Variants in DAAM2 observed in about 807,000 individuals in gnomAD.
DAAM2 encodes dishevelled associated activator of morphogenesis 2.
A neutral mutation model predicts 120.7 loss-of-function variants in DAAM2; 39 were observed. That is an observed-to-expected ratio of 0.32 (90% CI 0.25 to 0.42). The LOEUF (loss-of-function observed/expected upper bound fraction) is 0.42, where lower values mean the gene tolerates loss of function less well. DAAM2 is among the 10% of genes least tolerant of loss of function. DAAM2 has a pLI of 1.00. For synonymous variants in DAAM2, 488 were observed against 524.9 expected (o/e 0.93, Z 0.96); for missense variants, 1,283 against 1,401.7 (o/e 0.92, Z 1.35).
At chr6:39,824,162 C>T (rs1322580830) in intron 1 of DAAM2, among the ~76,000 whole-genome samples, 1 of 152,202 alleles carries the variant, frequency 6.6e-6, no homozygotes, top group Non-Finnish European at 1.5e-5. Flanking sequence ...TCCTCAAGCG[C>T]AGGAGTCAAT....
At chr6:39,857,823 T>A (rs920318500) in intron 2 of DAAM2, among the ~76,000 whole-genome samples, 3 of 152,080 alleles carry the variant, frequency 2.0e-5, no homozygotes, top group South Asian at 4.2e-4. Flanking sequence ...TGCTGGGCTG[T>A]ATGAGGGTCC....
At chr6:39,800,207 C>T (rs979753443) in intron 1 of DAAM2, among the ~76,000 whole-genome samples, 3 of 152,178 alleles carry the variant, frequency 2.0e-5, no homozygotes, top group Admixed American at 2.0e-4. Flanking sequence ...CATCATCCAT[C>T]ACCCAGGCAA....
chr6:39,904,282 CTATT>C lies in DAAM2; in HGVS notation c.*2251_*2254del, dbSNP rs1766660656. 1 of 456,618 alleles carries C rather than the reference CTATT, an allele frequency of 2.2e-6. No homozygotes were observed. The highest frequency in any genetic ancestry group is 2.0e-5 in the African/African-American group (1 of 50,086). The allele number at this position is 456,618 out of a possible 1,614,324, so 28.3% of individuals were successfully genotyped here. On this transcript the variant is annotated 3_prime_UTR_variant, in exon 25 of 25. Transcript: ENST00000274867. Reference sequence around the variant, plus strand: ...CTCACTCTAAAAGAAAGATATTTTTCTATTTATTTTCTACATCTGGCCAGTGGCT... The same window carrying C: ...CTCACTCTAAAAGAAAGATATTTTTCTATTTTCTACATCTGGCCAGTGGCT...
intron 18 of DAAM2, 73 bp from the exon 19 acceptor site, chr6:39,891,561 A>G: frequency 6.5e-7 from 1 of 1,526,856 alleles, no homozygotes; most frequent in Non-Finnish European, 8.9e-7. Flanking sequence ...AGGAGACTGG[A>G]GCTGGCTCCG....
chr6:39,892,224 T>C (rs1289084906), intron 19 of DAAM2, among the ~76,000 whole-genome samples: 2 of 152,224 alleles, frequency 1.3e-5, no homozygotes, highest in Non-Finnish European at 2.9e-5. Context: ...CATTTCCAGA[T>C]GAGAAATTTG....
chr6:39,897,590 T>A (rs1766186212), intron 21 of DAAM2, among the ~76,000 whole-genome samples: 1 of 152,164 alleles, frequency 6.6e-6, no homozygotes. Flanking sequence ...ACTCCCAGTA[T>A]GGGAGACTTA....
chr6:39,843,935 CAGTGGGA>C (rs1357477829), intron 1 of DAAM2, among the ~76,000 whole-genome samples: 1 of 152,058 alleles, frequency 6.6e-6, no homozygotes, highest in Non-Finnish European at 1.5e-5. Context: ...GTTCTGCTTG[CAGTGGGA>C]AGGCTGTATC....
At chr6:39,895,178 C>A (rs1307952845) in intron 19 of DAAM2, among the ~76,000 whole-genome samples, 1 of 152,028 alleles carries the variant, frequency 6.6e-6, no homozygotes, top group East Asian at 1.9e-4. Flanking sequence ...ACATGTTCAA[C>A]TTAAAAGCTA....
At chr6:39,803,353 CA>C (rs1761922643) in intron 1 of DAAM2, among the ~76,000 whole-genome samples, 1 of 152,212 alleles carries the variant, frequency 6.6e-6, no homozygotes, top group African/African-American at 2.4e-5. Context: ...CAGTGATATA[CA>C]GGGATTCCTG....
In DAAM2 at chr6:39,878,121, A is replaced by G; in HGVS notation, c.1302-82A>G. ...ATTGGAGACCAGGGTCCCCACCTGG[A>G]GGGTAGAAAGATGATGTCTCCTGGG... On this transcript the variant is annotated intron_variant, in intron 11 of 24. Transcript: ENST00000274867. This position sits in a 1 kb window ranked among gnomAD's most constrained non-coding sequence, Gnocchi z 5.0. The G allele has an allele frequency of 2.0e-6, 3 of 1,479,612 alleles. No individual in the cohort carries two copies. The highest frequency in any genetic ancestry group is 2.8e-6 in the Non-Finnish European group (3 of 1,072,384). 91.7% of individuals were successfully genotyped at this position (1,479,612 alleles called of 1,614,324 possible).
chr6:39,830,242 A>T (rs1008219718), intron 1 of DAAM2, among the ~76,000 whole-genome samples: 1 of 152,176 alleles, frequency 6.6e-6, no homozygotes. Context: ...GCCTGTGTCT[A>T]TCTATTTTCA....
intron 1 of DAAM2, among the ~76,000 whole-genome samples, chr6:39,795,879 G>A (rs936580783): frequency 2.0e-5 from 3 of 152,042 alleles, no homozygotes; most frequent in Non-Finnish European, 4.4e-5. Context: ...TAGGGAGGGA[G>A]AAGGACAGAA....
rs574911426 is a variant in DAAM2 at position 39,873,986 on chromosome 6, G to A, written c.1162+631G>A. On this transcript the variant is annotated intron_variant, in intron 10 of 24. Transcript: ENST00000274867. The stretch of plus-strand genomic sequence containing the variant: ...CTTGGTACTTAAGCTCTTCACAAAA[G>A]AGAATATTTTGAAAACCAGTGTGGC... Among the ~76,000 whole-genome samples, 8 of 152,322 alleles carry A rather than the reference G, an allele frequency of 5.3e-5. No individual in the cohort carries two copies. In the South Asian group the frequency reaches 1.7e-3, roughly 32 times the overall value.
At chr6:39,799,981 A>G (rs1224457244) in intron 1 of DAAM2, among the ~76,000 whole-genome samples, 1 of 152,176 alleles carries the variant, frequency 6.6e-6, no homozygotes, top group African/African-American at 2.4e-5. Flanking sequence ...TCTGTAGCAT[A>G]CTTTTCTTTC....
At position 39,868,031 on chromosome 6, in the gene DAAM2, G is replaced by T. The variant is rs6907095; in HGVS notation, c.762+188G>T. 387 of 605,992 alleles carry T rather than the reference G, an allele frequency of 6.4e-4. 1 individual carries two copies. In the African/African-American group the frequency reaches 6.5e-3, roughly 10 times the overall value. 37.5% of individuals were successfully genotyped at this position (605,992 alleles called of 1,614,324 possible). ...CTGGAAGGCTTGCATAAAAACACAT[G>T]CAGGGCCTTAAGAGTTATGAGTTTG... On this transcript the variant is annotated intron_variant, in intron 6 of 24. Coordinates refer to ENST00000274867, the MANE Select transcript of DAAM2 (RefSeq NM_001201427.2).
chr6:39,863,417 A>C (rs527544883), intron 3 of DAAM2, among the ~76,000 whole-genome samples: 1 of 152,322 alleles, frequency 6.6e-6, no homozygotes, highest in East Asian at 1.9e-4. Flanking sequence ...TACTGGTCTA[A>C]GATTTGTATT....
intron 5 of DAAM2, 41 bp downstream of exon 5, chr6:39,865,115 C>A: frequency 8.3e-7 from 1 of 1,210,912 alleles, no homozygotes; most frequent in Non-Finnish European, 1.2e-6. Context: ...TGAGTCCCTT[C>A]ACAGTTGGTC....
At chr6:39,832,544 G>T (rs1762954010) in intron 1 of DAAM2, among the ~76,000 whole-genome samples, 1 of 152,112 alleles carries the variant, frequency 6.6e-6, no homozygotes, top group Non-Finnish European at 1.5e-5. Context: ...TTCTTATAAT[G>T]GATAATTTTC....
chr6:39,875,111 T>C (rs905574654), intron 10 of DAAM2, among the ~76,000 whole-genome samples: 12 of 152,122 alleles, frequency 7.9e-5, no homozygotes, highest in African/African-American at 2.9e-4. Context: ...GGGGAGGTGG[T>C]TGACACATCC....
Sources: gnomAD v4.1 joint callset for allele counts (sites outside exome capture counted in the v4.1 genomes callset) on GRCh38, gnomAD v4.1.1 for gene constraint, Gnocchi (gnomAD v3.1) non-coding constraint, MANE v1.5 for transcripts, NCBI Gene and HGNC (gene_info 2026-07-23, HGNC 2026-07-21) for gene names.